Variants in KMT2C observed in about 807,000 individuals in gnomAD.
The protein encoded by KMT2C is lysine methyltransferase 2C.
In KMT2C, 88 loss-of-function variants were observed where a neutral mutation model predicts 507.9. The ratio of observed to expected loss-of-function variants is 0.17; its 90% CI spans 0.15 to 0.21. The LOEUF (loss-of-function observed/expected upper bound fraction) is 0.21, where lower values mean the gene tolerates loss of function less well. KMT2C is among the 10% of genes least tolerant of loss of function. The pLI is 1.00. For synonymous variants in KMT2C, 2,049 were observed against 2,080.8 expected (o/e 0.98, Z 0.42); for missense variants, 4,954 against 5,957.8 (o/e 0.83, Z 5.55).
chr7:152,355,671 A>C (rs1300318568), intron 2 of KMT2C, among the ~76,000 whole-genome samples: 1 of 152,184 alleles, frequency 6.6e-6, no homozygotes, highest in East Asian at 1.9e-4. Flanking sequence ...TGAAAGGTTA[A>C]GGAGGATGAA....
chr7:152,380,263 A>C (rs1292705958), intron 1 of KMT2C, among the ~76,000 whole-genome samples: 1 of 122,404 alleles, frequency 8.2e-6, no homozygotes, highest in Admixed American at 9.0e-5. Context: ...AAAACAAAAC[A>C]AAAAACAAAA....
At chr7:152,366,112 T>C (rs1191295010) in intron 1 of KMT2C, among the ~76,000 whole-genome samples, 1 of 152,194 alleles carries the variant, frequency 6.6e-6, no homozygotes, top group Non-Finnish European at 1.5e-5. Flanking sequence ...GGCAAGGACG[T>C]GGAGAAACTG....
chr7:152,173,459 G>C lies in KMT2C; in HGVS notation c.9374+672C>G, dbSNP rs114153599. ...ATTCTTATTTAGTAGGTCTGCAGTAGAGCAAAATAATCTGCATTTTAAAAA... is the reference window on the plus strand; with the variant it reads ...ATTCTTATTTAGTAGGTCTGCAGTACAGCAAAATAATCTGCATTTTAAAAA... On this transcript the variant is annotated intron_variant, in intron 39 of 58. Transcript: ENST00000262189. Among the ~76,000 whole-genome samples, 1,354 of 152,216 alleles carry C rather than the reference G, an allele frequency of 8.9e-3. 21 individuals carry two copies. The highest frequency in any genetic ancestry group is 0.03 in the African/African-American group (1,243 of 41,530).
chr7:152,386,056 C>T (rs1204480583), intron 1 of KMT2C, among the ~76,000 whole-genome samples: 2 of 150,882 alleles, frequency 1.3e-5, no homozygotes, highest in Non-Finnish European at 3.0e-5. Flanking sequence ...CACTGCACTC[C>T]AGCCCGAGTG....
intron 14 of KMT2C, among the ~76,000 whole-genome samples, chr7:152,245,011 A>T (rs1588538673): frequency 1.3e-5 from 2 of 152,194 alleles, no homozygotes; most frequent in East Asian, 1.9e-4. Flanking sequence ...TATAAATTCC[A>T]TTTTCTGTGT....
chr7:152,199,959 T>C (rs1008265560), intron 26 of KMT2C, among the ~76,000 whole-genome samples: 6 of 152,166 alleles, frequency 3.9e-5, no homozygotes, highest in Non-Finnish European at 8.8e-5. Flanking sequence ...ACTAAAGGCT[T>C]GTGGTTTTCT....
chr7:152,182,790 G>A (rs537519061), intron 35 of KMT2C, among the ~76,000 whole-genome samples, 184 bp downstream of exon 35: 1 of 152,124 alleles, frequency 6.6e-6, no homozygotes, highest in Non-Finnish European at 1.5e-5. Context: ...GCAGTATATT[G>A]TTTATAATAT....
At position 152,138,683 on chromosome 7, in the gene KMT2C, G is replaced by GT; in HGVS notation, c.14643+112dup. 1 of 731,522 alleles carries GT rather than the reference G, an allele frequency of 1.4e-6. No homozygotes were observed. The highest frequency in any genetic ancestry group is 2.3e-6 in the Non-Finnish European group (1 of 428,656). 45.3% of individuals were successfully genotyped at this position (731,522 alleles called of 1,614,324 possible). A position where few individuals can be genotyped will look rare whatever the true frequency, so the allele number is the denominator to read the frequency against. On this transcript the variant is annotated intron_variant, in intron 58 of 58. Coordinates refer to ENST00000262189, the MANE Select transcript of KMT2C (RefSeq NM_170606.3). The surrounding 1 kb of genome is among the most constrained non-coding windows in gnomAD (Gnocchi z 4.2). Reference sequence around the variant, plus strand: ...GAACATCTGGCCTATTATGGACAGAGTTTTTATCACAACAAAGAATTGGGA... The same window carrying GT: ...GAACATCTGGCCTATTATGGACAGAGTTTTTTATCACAACAAAGAATTGGGA...
intron 6 of KMT2C, among the ~76,000 whole-genome samples, chr7:152,279,615 A>G (rs1466262355): frequency 6.6e-6 from 1 of 152,240 alleles, no homozygotes; most frequent in Non-Finnish European, 1.5e-5. Context: ...TGACTGACTC[A>G]TAACTCTTGT....
intron 3 of KMT2C, among the ~76,000 whole-genome samples, chr7:152,327,760 C>A (rs1457047788): frequency 6.6e-6 from 1 of 151,942 alleles, no homozygotes; most frequent in African/African-American, 2.4e-5. Context: ...AGATCAAGGC[C>A]ATCCTGGCTA....
In KMT2C at chr7:152,177,797, G is replaced by A. The variant is rs2129115414; in HGVS notation, c.7656C>T (p.Asn2552=). ...GTTCAATATATGCTTGGCCCAGTAT[G>A]TTGTGCTGCTGAACTGGCAAGCTCT... ...SPQSLPVQQH[N]ILGQAYIELR... The change falls in exon 38 of 59, where the codon AAC becomes AAT. Residue 2552 remains asparagine, a synonymous_variant. Transcript: ENST00000262189. The A allele has an allele frequency of 1.2e-6, 2 of 1,614,002 alleles. No individual in the cohort carries two copies. The highest frequency in any genetic ancestry group is 2.2e-5 in the South Asian group (2 of 91,074).
rs587778497 is a variant in KMT2C at position 152,181,226 on chromosome 7, G to C, written c.6634C>G (p.Pro2212Ala). ...TGAGAGTAAGGGACAGAAATTCCAGGTCTTGGTGTTCCAGGAGGATGAGCA... is the reference window on the plus strand; with the variant it reads ...TGAGAGTAAGGGACAGAAATTCCAGCTCTTGGTGTTCCAGGAGGATGAGCA... ...PYAHPPGTPR[P>A]GISVPYSQPP... is the part of the protein sequence containing the mutation. Residue 2212 changes from proline (P) to alanine (A), a missense_variant, in exon 36 of 59, where the codon CCT (proline) becomes GCT (alanine). Coordinates refer to ENST00000262189, the MANE Select transcript of KMT2C (RefSeq NM_170606.3). The C allele has an allele frequency of 6.2e-7, 1 of 1,614,124 alleles. No individual in the cohort carries two copies. Among genetic ancestry groups the C allele is most frequent in the Non-Finnish European group, 8.5e-7 (1 of 1,180,028 alleles).
At chr7:152,213,705 T>C (rs548313876) in intron 23 of KMT2C, among the ~76,000 whole-genome samples, 6 of 135,330 alleles carry the variant, frequency 4.4e-5, no homozygotes, top group Admixed American at 3.7e-4. Flanking sequence ...AAAGCAAAAA[T>C]AAGCAAGTGG....
At chr7:152,212,177 G>A (rs1252599321) in intron 23 of KMT2C, among the ~76,000 whole-genome samples, 1 of 152,210 alleles carries the variant, frequency 6.6e-6, no homozygotes, top group Non-Finnish European at 1.5e-5. Context: ...GTATCTAGAT[G>A]ACTAATCTCT....
chr7:152,397,796 G>T (rs1564113073), intron 1 of KMT2C, among the ~76,000 whole-genome samples: 1 of 152,204 alleles, frequency 6.6e-6, no homozygotes, highest in East Asian at 1.9e-4. Context: ...CTTTCACTTG[G>T]TACTCACTCT....
At chr7:152,221,807 C>T (rs188135435) in intron 22 of KMT2C, among the ~76,000 whole-genome samples, 194 bp downstream of exon 22, 7 of 152,198 alleles carry the variant, frequency 4.6e-5, no homozygotes, top group Non-Finnish European at 8.8e-5. Flanking sequence ...TGCCTACTTG[C>T]TGAAATTTAT....
At chr7:152,357,287 G>A (rs1303843215) in intron 2 of KMT2C, among the ~76,000 whole-genome samples, 3 of 152,130 alleles carry the variant, frequency 2.0e-5, no homozygotes, top group African/African-American at 2.4e-5. Context: ...CACTTTGGGA[G>A]GCTGAGGTGA....
intron 1 of KMT2C, among the ~76,000 whole-genome samples, chr7:152,361,821 G>C (rs1408389177): frequency 6.6e-6 from 1 of 151,960 alleles, no homozygotes; most frequent in Non-Finnish European, 1.5e-5. Context: ...ATTACATAAA[G>C]CAAACATTTA....
At chr7:152,429,124 T>A (rs1460672847) in intron 1 of KMT2C, among the ~76,000 whole-genome samples, 2 of 152,122 alleles carry the variant, frequency 1.3e-5, no homozygotes, top group Non-Finnish European at 2.9e-5. Context: ...AAGGTCTAAT[T>A]CAAATACTAC....
Sources: allele counts gnomAD v4.1 joint callset (sites outside exome capture counted in the v4.1 genomes callset), GRCh38; gene constraint gnomAD v4.1.1; non-coding constraint Gnocchi (gnomAD v3.1); transcripts MANE v1.5; gene names NCBI Gene and HGNC (gene_info 2026-07-23, HGNC 2026-07-21).